C4B: variants seen among roughly 807,000 people sequenced by gnomAD.
C4B encodes complement C4B (Chido/Rodgers blood group), also known as complement C4-B.
C4B carries 6 observed loss-of-function variants against 46.2 expected under a neutral mutation model. The observed-to-expected ratio is 0.13, with a 90% CI of 0.07 to 0.26. C4B has a LOEUF of 0.26. Ranked by LOEUF, C4B falls within the 10% of genes least tolerant of loss-of-function variation. C4B has a pLI of 1.00. For missense variants in C4B, 119 were observed against 560.9 expected, an observed-to-expected ratio of 0.21 and a Z score of 7.96; for synonymous variants, 61 against 240.1, an observed-to-expected ratio of 0.25 and a Z score of 6.90.
rs373921185 is a variant in C4B at position 32,028,766 on chromosome 6, G to A, written c.3304G>A (p.Glu1102Lys). 179 of 1,563,262 alleles carry A rather than the reference G, an allele frequency of 1.1e-4. 15 individuals are homozygous for A. The African/African-American group carries it at 2.4e-3, about 21-fold the overall frequency. The change falls in exon 26 of 41, where the codon GAG (glutamate) becomes AAG (lysine). Residue 1102 changes from glutamate to lysine, a missense_variant. Coordinates refer to ENST00000435363, the MANE Select transcript of C4B (RefSeq NM_001002029.4). ...AGGAGGCTCGCCTGAGAAACTGCAG[G>A]AGACATCTAACTGGCTTCTGTCCCA... ...QVGGSPEKLQ[E>K]TSNWLLSQQQ... is the part of the protein sequence containing the mutation.
Position 32,028,519 on chromosome 6 carries a change from G to A in C4B, c.3217G>A (p.Gly1073Ser), listed in dbSNP as rs1230641276. 11 of 1,538,460 alleles carry A rather than the reference G, an allele frequency of 7.2e-6. 4 individuals carry two copies. The highest frequency in any genetic ancestry group is 8.0e-6 in the Non-Finnish European group (9 of 1,124,106). Residue 1073 changes from glycine (G) to serine (S), a missense_variant, in exon 25 of 41, where the codon GGC (glycine) becomes AGC (serine). Transcript: ENST00000435363. ...DGSYAAWLSR[G>S]SSTWLTAFVL... ...TTCCTATGCGGCTTGGTTGTCACGG[G>A]GCAGCAGCACCTGGTGAGCTTGGGA...
In C4B at chr6:32,028,732, G is replaced by C; in HGVS notation, c.3270G>C (p.Gln1090His). The C allele has an allele frequency of 6.4e-7, 1 of 1,552,636 alleles. No homozygotes were observed. Among genetic ancestry groups the C allele is most frequent in the South Asian group, 1.1e-5 (1 of 87,788 alleles). ...AFVLKVLSLAQEQVGGSPEKL... is the reference protein window; with the variant it reads ...AFVLKVLSLAHEQVGGSPEKL... ...TGTTGAAGGTCCTGAGTTTGGCCCA[G>C]GAGCAGGTAGGAGGCTCGCCTGAGA... Residue 1090 changes from glutamine to histidine, a missense_variant, in exon 26 of 41, where the codon CAG becomes CAC. By Grantham distance (24) the Gln-to-His change is conservative (BLOSUM62 0). Transcript: ENST00000435363.
At position 32,029,274 on chromosome 6, in the gene C4B, G is replaced by A; in HGVS notation, c.3612G>A (p.Lys1204=). 6.4e-7 allele frequency: 1 copy of A among 1,567,432 alleles called. No homozygotes were observed. The highest frequency in any genetic ancestry group is 1.1e-5 in the South Asian group (1 of 88,274). The stretch of plus-strand genomic sequence containing the variant: ...CGGCCTATGCCCTGACACTGACCAA[G>A]GCCCCTGCGGACCTGCGGGGTGTTG... ...AITAYALTLT[K]APADLRGVAH... is the part of the protein sequence containing the mutation. The change falls in exon 28 of 41, where the codon AAG becomes AAA. Residue 1204 remains lysine (K), a synonymous_variant. Coordinates refer to ENST00000435363, the MANE Select transcript of C4B (RefSeq NM_001002029.4).
intron 25 of C4B, 54 bp from the exon 26 acceptor site, chr6:32,028,639 T>A: frequency 6.8e-7 from 1 of 1,470,320 alleles, no homozygotes; most frequent in Non-Finnish European, 9.3e-7. Flanking sequence ...CCTGGGGGCG[T>A]GGGCATAATG....
Position 32,028,862 on chromosome 6 carries a change from T to A in C4B, c.3387+13T>A. The A allele has an allele frequency of 1.3e-6, 2 of 1,563,968 alleles. No homozygotes were observed. The highest frequency in any genetic ancestry group is 1.7e-6 in the Non-Finnish European group (2 of 1,145,170). On this transcript the variant is annotated intron_variant, in intron 26 of 40. Coordinates refer to ENST00000435363, the MANE Select transcript of C4B (RefSeq NM_001002029.4). ...TAGGAGCATGCAGGTGCGGGCATGC[T>A]GGGGCTGGCCCGAGAAGCGCCTGTC...
At chr6:32,028,907 T>C in intron 26 of C4B, 38 bp from the exon 27 acceptor site, 2 of 1,564,228 alleles carry the variant, frequency 1.3e-6, no homozygotes, top group Non-Finnish European at 1.7e-6. Context: ...TCTTTGCCCC[T>C]TCCCCCTCCT....
rs1426198222 is a variant in C4B, at chr6:32,028,896, C to G, written c.3387+47C>G. ...CCCGAGAAGCGCCTGTCGGAGGACT[C>G]TCTTTGCCCCTTCCCCCTCCTGTTT... is the stretch of plus-strand genomic sequence containing the variant. On this transcript the variant is annotated intron_variant, in intron 26 of 40. Coordinates refer to ENST00000435363, the MANE Select transcript of C4B (RefSeq NM_001002029.4). 1.3e-4 allele frequency: 202 copies of G among 1,565,926 alleles called. 19 individuals are homozygous for G. Among genetic ancestry groups the G allele is most frequent in the Non-Finnish European group, 1.7e-4 (194 of 1,145,762 alleles).
Position 32,028,709 on chromosome 6 carries a change from T to C in C4B, c.3247T>C (p.Leu1083=). Residue 1083 remains leucine (L), a synonymous_variant, in exon 26 of 41, where the codon TTG becomes CTG. Coordinates refer to ENST00000435363, the MANE Select transcript of C4B (RefSeq NM_001002029.4). ...GCCCTCCAGGCTCACAGCCTTTGTG[T>C]TGAAGGTCCTGAGTTTGGCCCAGGA... is the stretch of plus-strand genomic sequence containing the variant. ...GSSTWLTAFV[L]KVLSLAQEQV... The C allele has an allele frequency of 1.9e-6, 3 of 1,548,888 alleles. No homozygotes were observed. Among genetic ancestry groups the C allele is most frequent in the Non-Finnish European group, 2.6e-6 (3 of 1,137,856 alleles).
In C4B at chr6:32,029,180, C is replaced by G; in HGVS notation, c.3518C>G (p.Ser1173Ter). ...GTTTTCTTCCAGGAAGCCTCCATCTCAAAGGCAAGCTCATTTTTGGGGGAG... is the reference window on the plus strand; with the variant it reads ...GTTTTCTTCCAGGAAGCCTCCATCTGAAAGGCAAGCTCATTTTTGGGGGAG... ...PLKQRVEASI[S>*]KASSFLGEKA... The change falls in exon 28 of 41, where the codon TCA becomes TGA. Residue 1173 changes from serine (S) to a stop codon, truncating the protein, a stop_gained. Coordinates refer to ENST00000435363, the MANE Select transcript of C4B (RefSeq NM_001002029.4). LOFTEE classifies it high-confidence loss of function. The G allele has an allele frequency of 6.3e-7, 1 of 1,591,226 alleles. No individual in the cohort carries two copies.
At position 32,028,437 on chromosome 6, in the gene C4B, G is replaced by C. The variant is rs760969836; in HGVS notation, c.3155-20G>C. 9 of 1,499,522 alleles carry C rather than the reference G, an allele frequency of 6.0e-6. 1 individual carries two copies. In the Admixed American group the frequency reaches 1.4e-4, roughly 24 times the overall value. The allele number at this position is 1,499,522 out of a possible 1,614,324, so 92.9% of individuals were successfully genotyped here. On this transcript the variant is annotated intron_variant, in intron 24 of 40. Transcript: ENST00000435363. ...GCAGAAGGGTGAGTGTCACCTGAGC[G>C]GCCACCTCTCCTCTCCAAGGCTACA...
At position 32,028,947 on chromosome 6, in the gene C4B, G is replaced by C; in HGVS notation, c.3390G>C (p.Gly1130=). 1 of 1,556,276 alleles carries C rather than the reference G, an allele frequency of 6.4e-7. No homozygotes were observed. The highest frequency in any genetic ancestry group is 8.8e-7 in the Non-Finnish European group (1 of 1,136,654). ...LSPVIHRSMQ[G]GLVGNDETVA... ...GACATCTTTTCTCCCCTTACTAGGGGGGTTTGGTGGGCAATGATGAGACTG... is the reference window on the plus strand; with the variant it reads ...GACATCTTTTCTCCCCTTACTAGGGCGGTTTGGTGGGCAATGATGAGACTG... Residue 1130 remains glycine, a splice_region_variant and synonymous_variant, in exon 27 of 41, where the codon GGG becomes GGC. Transcript: ENST00000435363.
Position 32,028,840 on chromosome 6 carries a change from G to C in C4B, c.3378G>C (p.Arg1126Ser). Residue 1126 changes from arginine (R) to serine (S), a missense_variant, in exon 26 of 41, where the codon AGG (arginine) becomes AGC (serine). Physicochemically the swap from Arg to Ser is moderately radical, Grantham distance 110. Transcript: ENST00000435363. ...SFQDLSPVIH[R>S]SMQGGLVGND... ...AGGACCTCTCTCCAGTGATACATAG[G>C]AGCATGCAGGTGCGGGCATGCTGGG... is the stretch of plus-strand genomic sequence containing the variant. 1 of 1,562,708 alleles carries C rather than the reference G, an allele frequency of 6.4e-7. No individual in the cohort carries two copies. Among genetic ancestry groups the C allele is most frequent in the South Asian group, 1.1e-5 (1 of 88,180 alleles).
In C4B at chr6:32,029,080, C is replaced by T. The variant is rs528563730; in HGVS notation, c.3504+19C>T. On this transcript the variant is annotated intron_variant, in intron 27 of 40. Coordinates refer to ENST00000435363, the MANE Select transcript of C4B (RefSeq NM_001002029.4). Reference sequence around the variant, plus strand: ...GAGAGTGGTAAGTTCAGTGGCGTTTCTGCCCTCTGCTGGCCCCCAGCTCTC... The same window carrying T: ...GAGAGTGGTAAGTTCAGTGGCGTTTTTGCCCTCTGCTGGCCCCCAGCTCTC... 1 of 1,563,980 alleles carries T rather than the reference C, an allele frequency of 6.4e-7. No individual in the cohort carries two copies. Among genetic ancestry groups the T allele is most frequent in the African/African-American group, 1.4e-5 (1 of 72,472 alleles).
At position 32,028,935 on chromosome 6, in the gene C4B, C is replaced by T; in HGVS notation, c.3388-10C>T. 6.4e-7 allele frequency: 1 copy of T among 1,559,860 alleles called. No homozygotes were observed. Among genetic ancestry groups the T allele is most frequent in the Non-Finnish European group, 8.8e-7 (1 of 1,139,942 alleles). Reference sequence around the variant, plus strand: ...CCCCTCCTGTTTGACATCTTTTCTCCCCTTACTAGGGGGGTTTGGTGGGCA... The same window carrying T: ...CCCCTCCTGTTTGACATCTTTTCTCTCCTTACTAGGGGGGTTTGGTGGGCA... On this transcript the variant is annotated splice_polypyrimidine_tract_variant and intron_variant, in intron 26 of 40. Transcript: ENST00000435363.
chr6:32,028,913 C>T lies in C4B; in HGVS notation c.3388-32C>T, dbSNP rs752390602. 6.4e-6 allele frequency: 10 copies of T among 1,564,228 alleles called. 1 individual carries two copies. The South Asian group carries it at 6.8e-5, about 11-fold the overall frequency. ...GGAGGACTCTCTTTGCCCCTTCCCC[C>T]TCCTGTTTGACATCTTTTCTCCCCT... On this transcript the variant is annotated intron_variant, in intron 26 of 40. Coordinates refer to ENST00000435363, the MANE Select transcript of C4B (RefSeq NM_001002029.4).
chr6:32,028,777 C>T lies in C4B; in HGVS notation c.3315C>T (p.Asn1105=), dbSNP rs1265168300. 3 of 1,564,044 alleles carry T rather than the reference C, an allele frequency of 1.9e-6. No homozygotes were observed. The highest frequency in any genetic ancestry group is 1.4e-5 in the African/African-American group (1 of 71,080). ...CTGAGAAACTGCAGGAGACATCTAA[C>T]TGGCTTCTGTCCCAGCAGCAGGCTG... ...GSPEKLQETS[N]WLLSQQQADG... is the part of the protein sequence containing the mutation. Residue 1105 remains asparagine, a synonymous_variant, in exon 26 of 41, where the codon AAC becomes AAT. Coordinates refer to ENST00000435363, the MANE Select transcript of C4B (RefSeq NM_001002029.4).
Position 32,029,276 on chromosome 6 carries a change from C to T in C4B, c.3614C>T (p.Ala1205Val). Residue 1205 changes from alanine (A) to valine (V), a missense_variant, in exon 28 of 41, where the codon GCC becomes GTC. By Grantham distance (64) the Ala-to-Val change is moderately conservative. Transcript: ENST00000435363. Reference protein sequence around the residue: ...ITAYALTLTKAPADLRGVAHN... With the variant: ...ITAYALTLTKVPADLRGVAHN... ...GCCTATGCCCTGACACTGACCAAGG[C>T]CCCTGCGGACCTGCGGGGTGTTGCC... is the stretch of plus-strand genomic sequence containing the variant. The T allele has an allele frequency of 6.4e-6, 10 of 1,567,388 alleles. 3 individuals are homozygous for T. Among genetic ancestry groups the T allele is most frequent in the Non-Finnish European group, 7.9e-6 (9 of 1,146,324 alleles).
In C4B at chr6:32,029,319, A is replaced by C. The variant is rs1290042535; in HGVS notation, c.3657A>C (p.Ala1219=). 1 of 1,562,182 alleles carries C rather than the reference A, an allele frequency of 6.4e-7. No homozygotes were observed. The part of the protein sequence containing the change: ...LRGVAHNNLM[A]MAQETGDNLY... ...GTGTTGCCCACAACAACCTCATGGC[A>C]ATGGCCCAGGAGACTGGAGGTGAGG... The change falls in exon 28 of 41, where the codon GCA becomes GCC. Residue 1219 remains alanine (A), a synonymous_variant. Coordinates refer to ENST00000435363, the MANE Select transcript of C4B (RefSeq NM_001002029.4).
chr6:32,028,568 G>A (rs1295379892), intron 25 of C4B, 36 bp downstream of exon 25: 3 of 1,536,026 alleles, frequency 2.0e-6, no homozygotes, highest in Non-Finnish European at 2.7e-6. Context: ...GTTCTGAGGG[G>A]GTCAGGGCTG....
Sources: allele counts gnomAD v4.1 joint callset, GRCh38; gene constraint gnomAD v4.1.1; transcripts MANE v1.5; gene names NCBI Gene and HGNC (gene_info 2026-07-23, HGNC 2026-07-21).